Variants in DNAJC10 observed in about 807,000 individuals in gnomAD.
DNAJC10 encodes endoplasmic reticulum disulfide reductase DNAJC10.
Under a neutral mutation model 115.0 loss-of-function variants are expected in DNAJC10, and 101 were observed. That is an observed-to-expected ratio of 0.88 (90% confidence interval 0.75 to 1.04). DNAJC10 has a LOEUF of 1.04. DNAJC10 is among the 50% of genes least tolerant of loss of function. The pLI, the probability that DNAJC10 is intolerant of heterozygous loss-of-function variation, is 0.00. For missense variants in DNAJC10, 981 were observed against 928.8 expected (o/e 1.06, Z -0.73); for synonymous variants, 307 against 301.5 (o/e 1.02, Z -0.19).
intron 16 of DNAJC10, 138 bp downstream of exon 16, chr2:182,752,326 T>C (rs1694044878): frequency 4.3e-6 from 2 of 467,208 alleles, no homozygotes; most frequent in Non-Finnish European, 7.1e-6. Context: ...TTAAACAAAA[T>C]AATATTTTTA....
intron 14 of DNAJC10, among the ~76,000 whole-genome samples, chr2:182,746,402 T>C (rs868860798): frequency 2.0e-5 from 3 of 152,112 alleles, no homozygotes; most frequent in Non-Finnish European, 4.4e-5. Context: ...CCTGTTGTTT[T>C]CTGACTTTTT....
chr2:182,782,128 T>C lies in DNAJC10; in HGVS notation c.*4996T>C, dbSNP rs1694861588. The C allele has an allele frequency of 6.6e-6, 1 of 152,184 alleles. No individual in the cohort carries two copies. The highest frequency in any genetic ancestry group is 2.4e-5 in the African/African-American group (1 of 41,450). The allele number at this position is 152,184 out of a possible 1,614,324, so 9.4% of individuals were successfully genotyped here. On this transcript the variant is annotated 3_prime_UTR_variant, in exon 24 of 24. Coordinates refer to ENST00000264065, the MANE Select transcript of DNAJC10 (RefSeq NM_018981.4). ...CTATCAACTTAATTTTTATATAAGG[T>C]GTAAGGAAGGGGTCCCAGTTTCAGT...
In DNAJC10 at chr2:182,793,330, G is replaced by A. The variant is rs974669868; in HGVS notation, c.*16198G>A. On this transcript the variant is annotated 3_prime_UTR_variant, in exon 24 of 24. Coordinates refer to ENST00000264065, the MANE Select transcript of DNAJC10 (RefSeq NM_018981.4). ...TAAGGACTTTAGCTTTCTAACTTTT[G>A]TAAGGACTTCAACTTCTACTCACAG... 2 of 152,182 alleles carry A rather than the reference G, an allele frequency of 1.3e-5. No homozygotes were observed. The highest frequency in any genetic ancestry group is 4.8e-5 in the African/African-American group (2 of 41,456). 9.4% of individuals were successfully genotyped at this position (152,182 alleles called of 1,614,324 possible).
chr2:182,770,014 A>G (rs1694518054), intron 22 of DNAJC10, among the ~76,000 whole-genome samples: 1 of 152,172 alleles, frequency 6.6e-6, no homozygotes, highest in Admixed American at 6.5e-5. Context: ...TAAGGAAGGG[A>G]TCCAGTTTCA....
intron 14 of DNAJC10, among the ~76,000 whole-genome samples, chr2:182,745,385 G>T (rs967818701): frequency 6.6e-6 from 1 of 152,140 alleles, no homozygotes; most frequent in African/African-American, 2.4e-5. Context: ...TTTTCCTCCT[G>T]CATTATAATC....
At chr2:182,765,218 G>A (rs553876424) in intron 22 of DNAJC10, among the ~76,000 whole-genome samples, 3 of 152,186 alleles carry the variant, frequency 2.0e-5, no homozygotes, top group African/African-American at 7.2e-5. Context: ...CACTTATCAT[G>A]TGCTATTATG....
chr2:182,739,250 C>G (rs577107763), intron 11 of DNAJC10, among the ~76,000 whole-genome samples: 2 of 123,020 alleles, frequency 1.6e-5, no homozygotes, highest in Non-Finnish European at 3.3e-5. Flanking sequence ...ATATATATAT[C>G]TCATATATAT....
rs1242218085 is a variant in DNAJC10, at chr2:182,789,011, C to CT, written c.*11882dup. ...CACATTGTTCAACCCATCTCCGTGACTTTATCTTGCAAAACTGAAATTTTA... is the reference window on the plus strand; with the variant it reads ...CACATTGTTCAACCCATCTCCGTGACTTTTATCTTGCAAAACTGAAATTTTA... On this transcript the variant is annotated 3_prime_UTR_variant, in exon 24 of 24. Coordinates refer to ENST00000264065, the MANE Select transcript of DNAJC10 (RefSeq NM_018981.4). 7.5e-6 allele frequency: 2 copies of CT among 266,440 alleles called. No homozygotes were observed. Among genetic ancestry groups the CT allele is most frequent in the Non-Finnish European group, 1.5e-5 (2 of 136,328 alleles). 16.5% of individuals were successfully genotyped at this position (266,440 alleles called of 1,614,324 possible).
Position 182,791,115 on chromosome 2 carries a change from A to G in DNAJC10, c.*13983A>G, listed in dbSNP as rs933544291. 1 of 152,208 alleles carries G rather than the reference A, an allele frequency of 6.6e-6. No homozygotes were observed. Among genetic ancestry groups the G allele is most frequent in the Non-Finnish European group, 1.5e-5 (1 of 68,034 alleles). The allele number at this position is 152,208 out of a possible 1,614,324, so 9.4% of individuals were successfully genotyped here. A position where few individuals can be genotyped will look rare whatever the true frequency, so the allele number is the denominator to read the frequency against. On this transcript the variant is annotated 3_prime_UTR_variant, in exon 24 of 24. Transcript: ENST00000264065. ...ATACCCCCACAGAGATCGACCCTGC[A>G]TGAAATGTGTTCCCTCAGAAGTAGG...
chr2:182,753,636 G>T (rs1694084152), intron 16 of DNAJC10, among the ~76,000 whole-genome samples: 1 of 135,310 alleles, frequency 7.4e-6, no homozygotes, highest in African/African-American at 2.8e-5. Flanking sequence ...AGGCTGGAGT[G>T]CAGTGGTGCA....
At chr2:182,725,745 T>G (rs1693266873) in intron 5 of DNAJC10, among the ~76,000 whole-genome samples, 1 of 152,126 alleles carries the variant, frequency 6.6e-6, no homozygotes, top group Non-Finnish European at 1.5e-5. Context: ...AAGCAGCAAG[T>G]CCCGACATAG....
Position 182,759,297 on chromosome 2 carries a change from T to C in DNAJC10, c.2135T>C (p.Leu712Pro). 1 of 1,610,412 alleles carries C rather than the reference T, an allele frequency of 6.2e-7. No homozygotes were observed. The highest frequency in any genetic ancestry group is 8.5e-7 in the Non-Finnish European group (1 of 1,179,210). Residue 712 changes from leucine (L) to proline (P), a missense_variant, in exon 21 of 24, where the codon CTC becomes CCC. Leu to Pro is a moderately conservative substitution (Grantham distance 98). Transcript: ENST00000264065. ...CAGAATTTTGCTCCAGAATTTGAGCTCTTGGCTAGGGTAAGTCATACCTGT... is the reference window on the plus strand; with the variant it reads ...CAGAATTTTGCTCCAGAATTTGAGCCCTTGGCTAGGGTAAGTCATACCTGT... ...PCQNFAPEFE[L>P]LARMIKGKVK...
intron 12 of DNAJC10, among the ~76,000 whole-genome samples, chr2:182,740,817 A>G (rs1172097426): frequency 1.3e-5 from 2 of 152,054 alleles, no homozygotes; most frequent in Non-Finnish European, 2.9e-5. Context: ...AAGTAATTGC[A>G]GTTTTTGCCA....
intron 10 of DNAJC10, among the ~76,000 whole-genome samples, chr2:182,735,289 A>C (rs555151322): frequency 6.6e-6 from 1 of 151,962 alleles, no homozygotes; most frequent in South Asian, 2.1e-4. Flanking sequence ...AAATTATTTT[A>C]CTACCTCTGA....
At chr2:182,743,900 G>A (rs288254) in intron 14 of DNAJC10, among the ~76,000 whole-genome samples, 188 bp downstream of exon 14, 102,345 of 152,108 alleles carry the variant, frequency 0.67, 35,151 homozygotes, top group African/African-American at 0.8. Flanking sequence ...TTTTTAACAT[G>A]AATGCCTTTT....
intron 12 of DNAJC10, 77 bp from the exon 13 acceptor site, chr2:182,741,166 T>G (rs1693728285): frequency 8.0e-6 from 8 of 1,000,762 alleles, no homozygotes; most frequent in Non-Finnish European, 1.2e-5. Flanking sequence ...TAAAACTAAC[T>G]TCAAGTCATA....
At chr2:182,722,102 A>G (rs780876293) in intron 5 of DNAJC10, 27 bp downstream of exon 5, 7 of 1,485,786 alleles carry the variant, frequency 4.7e-6, no homozygotes, top group South Asian at 1.3e-5. Context: ...AAGGTTTTAT[A>G]AAACTAATAC....
chr2:182,765,872 G>A (rs183458316), intron 22 of DNAJC10, among the ~76,000 whole-genome samples: 52 of 152,306 alleles, frequency 3.4e-4, no homozygotes, highest in African/African-American at 1.1e-3. Flanking sequence ...TCTATTATCA[G>A]GTTTTATAGT....
chr2:182,766,462 C>T (rs777650113), intron 22 of DNAJC10, among the ~76,000 whole-genome samples: 8 of 152,062 alleles, frequency 5.3e-5, no homozygotes, highest in African/African-American at 7.2e-5. Context: ...TACTATACAC[C>T]ATGTAAGCAG....
Sources: gnomAD v4.1 joint callset for allele counts (sites outside exome capture counted in the v4.1 genomes callset) on GRCh38, gnomAD v4.1.1 for gene constraint, MANE v1.5 for transcripts, NCBI Gene and HGNC (gene_info 2026-07-23, HGNC 2026-07-21) for gene names.